ASB3: variants seen among roughly 807,000 people sequenced by gnomAD.
The protein encoded by ASB3 is ankyrin repeat and SOCS box containing 3, also known as ankyrin repeat and SOCS box protein 3.
In ASB3, 41 loss-of-function variants were observed where a neutral mutation model predicts 54.5. The ratio of observed to expected loss-of-function variants is 0.75; its 90% CI spans 0.59 to 0.98. The LOEUF (loss-of-function observed/expected upper bound fraction) is 0.98. Among genes scored for constraint, ASB3 ranks in the 50% least tolerant of loss-of-function variants. The pLI is 0.00. For missense variants in ASB3, 733 were observed against 620.0 expected (o/e 1.18, Z -1.94); for synonymous variants, 266 against 221.2 (o/e 1.20, Z -1.80).
intron 7 of ASB3, among the ~76,000 whole-genome samples, chr2:53,711,592 T>A (rs993686709): frequency 6.6e-6 from 1 of 152,112 alleles, no homozygotes; most frequent in African/African-American, 2.4e-5. Context: ...CTGGCCAACA[T>A]GGTGAAATCC....
At chr2:53,781,216 T>C (rs1674625011) in intron 1 of ASB3, among the ~76,000 whole-genome samples, 1 of 152,098 alleles carries the variant, frequency 6.6e-6, no homozygotes, top group African/African-American at 2.4e-5. Context: ...AAGACCAGCC[T>C]GGGCAACATG....
intron 8 of ASB3, 176 bp from the exon 9 acceptor site, chr2:53,694,190 T>A (rs896590173): frequency 3.3e-6 from 2 of 610,458 alleles, no homozygotes; most frequent in Non-Finnish European, 5.3e-6. Context: ...TTAACAATCA[T>A]CTACAGGTTC....
intron 9 of ASB3, among the ~76,000 whole-genome samples, chr2:53,688,437 G>C (rs1668743558): frequency 6.6e-6 from 1 of 152,178 alleles, no homozygotes; most frequent in Non-Finnish European, 1.5e-5. Flanking sequence ...TTGACCACTT[G>C]CCTCAATCAT....
chr2:53,756,175 AT>A (rs1558562428), intron 2 of ASB3, among the ~76,000 whole-genome samples: 1 of 152,012 alleles, frequency 6.6e-6, no homozygotes, highest in African/African-American at 2.4e-5. Flanking sequence ...CTTTAAAAAA[AT>A]TTTTTTAATT....
intron 9 of ASB3, among the ~76,000 whole-genome samples, chr2:53,671,322 G>C (rs1291330366): frequency 6.6e-6 from 1 of 150,884 alleles, no homozygotes; most frequent in African/African-American, 2.4e-5. Flanking sequence ...GCAGAGCCAG[G>C]ATTCAAACTC....
chr2:53,700,679 G>C, intron 7 of ASB3, 151 bp from the exon 8 acceptor site: 3 of 1,205,946 alleles, frequency 2.5e-6, no homozygotes, highest in Non-Finnish European at 3.3e-6. Flanking sequence ...ATTGAGATTA[G>C]AGAATGTGGT....
At chr2:53,750,085 T>C (rs544254499) in intron 3 of ASB3, among the ~76,000 whole-genome samples, 11 of 152,022 alleles carry the variant, frequency 7.2e-5, no homozygotes, top group Non-Finnish European at 1.0e-4. Context: ...AATAAATAAA[T>C]ATACAAATTA....
intron 2 of ASB3, among the ~76,000 whole-genome samples, chr2:53,761,848 T>C (rs1330718727): frequency 6.6e-6 from 1 of 152,236 alleles, no homozygotes; most frequent in African/African-American, 2.4e-5. Flanking sequence ...GTTAACCATG[T>C]AGACAAAGAT....
chr2:53,767,674 T>C lies in ASB3; in HGVS notation c.-13-2089A>G, dbSNP rs1283298387. 8.4e-6 allele frequency: 5 copies of C among 597,236 alleles called. No individual in the cohort carries two copies. In the East Asian group the frequency reaches 1.2e-4, roughly 14 times the overall value. The allele number at this position is 597,236 out of a possible 1,614,324, so 37.0% of individuals were successfully genotyped here. ...GCTTACTACACCGAAGGTCAATGCC[T>C]CTTGACACCCTAATCAAGGAAATAA... On this transcript the variant is annotated intron_variant, in intron 1 of 9. Coordinates refer to ENST00000263634, the MANE Select transcript of ASB3 (RefSeq NM_016115.5).
At chr2:53,768,071 C>T in intron 1 of ASB3, 1 of 1,599,500 alleles carries the variant, frequency 6.3e-7, no homozygotes. Flanking sequence ...ACCCCTGCTC[C>T]CCAACTCCAC....
At chr2:53,681,776 T>C (rs1158449492) in intron 9 of ASB3, among the ~76,000 whole-genome samples, 1 of 152,176 alleles carries the variant, frequency 6.6e-6, no homozygotes, top group African/African-American at 2.4e-5. Flanking sequence ...GTAGTACAAT[T>C]TGAAGTAAGG....
chr2:53,712,745 AAC>A (rs3061604), intron 7 of ASB3, among the ~76,000 whole-genome samples: 33,467 of 149,766 alleles, frequency 0.22, 3,836 homozygotes, highest in East Asian at 0.45. Flanking sequence ...CATCATATTG[AAC>A]ACACACACAC....
chr2:53,766,577 C>T (rs530077449), intron 1 of ASB3, among the ~76,000 whole-genome samples: 1 of 152,156 alleles, frequency 6.6e-6, no homozygotes, highest in South Asian at 2.1e-4. Flanking sequence ...CAAGCAACTT[C>T]AAATGTTCTC....
chr2:53,731,907 C>T (rs1423945145), intron 3 of ASB3, among the ~76,000 whole-genome samples: 1 of 152,010 alleles, frequency 6.6e-6, no homozygotes, highest in Non-Finnish European at 1.5e-5. Flanking sequence ...CCAGCCTCGG[C>T]CTCCCAAAGT....
At chr2:53,733,216 T>C (rs55711922) in intron 3 of ASB3, among the ~76,000 whole-genome samples, 1 of 152,338 alleles carries the variant, frequency 6.6e-6, no homozygotes, top group Non-Finnish European at 1.5e-5. Context: ...CCTTGAGAGC[T>C]ATCTAGATGT....
At chr2:53,767,092 T>G in intron 1 of ASB3, among the ~76,000 whole-genome samples, 1 of 152,162 alleles carries the variant, frequency 6.6e-6, no homozygotes. Context: ...TAGAAAAGTG[T>G]ACACCCCAAA....
rs561916594 is a variant in ASB3 at position 53,687,917 on chromosome 2, G to A, written c.1369+5967C>T. On this transcript the variant is annotated intron_variant, in intron 9 of 9. Transcript: ENST00000263634. The stretch of plus-strand genomic sequence containing the variant: ...TGCAGCCTTGATCTCCTGGGCTCAA[G>A]CGATCCTCCTGCCTATGCCTCCCCC... 3.3e-5 allele frequency among the ~76,000 whole-genome samples: 5 copies of A among 152,240 alleles called. No individual in the cohort carries two copies. The East Asian group carries it at 9.7e-4, about 29-fold the overall frequency.
intron 3 of ASB3, among the ~76,000 whole-genome samples, chr2:53,734,887 AT>A (rs944297543): frequency 7.5e-6 from 1 of 133,668 alleles, no homozygotes; most frequent in African/African-American, 2.8e-5. Flanking sequence ...TTCAATCTCT[AT>A]TTATTTTTTT....
In ASB3 at chr2:53,700,517, A is replaced by G; in HGVS notation, c.992T>C (p.Phe331Ser). The stretch of plus-strand genomic sequence containing the variant: ...TTTCAAAAGAATGTTCACAATTCCA[A>G]AGAACTCACAGCTCCACCATAAAAA... The part of the protein sequence containing the change: ...CMAFQKDCEF[F>S]GIVNILLKYG... Residue 331 changes from phenylalanine to serine, a missense_variant, in exon 8 of 10, where the codon TTT becomes TCT. Transcript: ENST00000263634. 2 of 1,607,406 alleles carry G rather than the reference A, an allele frequency of 1.2e-6. No individual in the cohort carries two copies. The highest frequency in any genetic ancestry group is 1.7e-6 in the Non-Finnish European group (2 of 1,177,756).
Sources: allele counts gnomAD v4.1 joint callset (sites outside exome capture counted in the v4.1 genomes callset), GRCh38; gene constraint gnomAD v4.1.1; transcripts MANE v1.5; gene names NCBI Gene and HGNC (gene_info 2026-07-23, HGNC 2026-07-21).